Variants in ZNF257 observed in about 807,000 individuals in gnomAD.
The protein encoded by ZNF257 is zinc finger protein 257.
A neutral mutation model predicts 11.9 loss-of-function variants in ZNF257; 12 were observed. The observed-to-expected ratio is 1.01, with a 90% CI of 0.65 to 1.63. The LOEUF (loss-of-function observed/expected upper bound fraction) is 1.63. Ranked by LOEUF, ZNF257 falls within the 40% of genes most tolerant of loss-of-function variation. ZNF257 has a pLI of 0.00. For synonymous variants in ZNF257, 183 were observed against 222.7 expected (o/e 0.82, Z 1.59); for missense variants, 580 against 665.5 (o/e 0.87, Z 1.41).
chr19:22,058,241 G>A (rs1290639609), intron 1 of ZNF257, among the ~76,000 whole-genome samples: 1 of 151,948 alleles, frequency 6.6e-6, no homozygotes, highest in Admixed American at 6.6e-5. Context: ...TATTTACCTG[G>A]ATTACCTATG....
At position 22,088,468 on chromosome 19, in the gene ZNF257, C is replaced by T. The variant is rs540968415; in HGVS notation, c.718C>T (p.Arg240Trp). 18 of 1,611,524 alleles carry T rather than the reference C, an allele frequency of 1.1e-5. No homozygotes were observed. The highest frequency in any genetic ancestry group is 7.7e-5 in the South Asian group (7 of 90,716). ...KCEECGKAFN[R>W]SSHLTQHKVI... The stretch of plus-strand genomic sequence containing the variant: ...TGAAGAGTGTGGAAAAGCTTTTAAC[C>T]GGTCTTCACACCTTACTCAACATAA... The change falls in exon 4 of 4, where the codon CGG (arginine) becomes TGG (tryptophan). Residue 240 changes from arginine to tryptophan, a missense_variant. Coordinates refer to ENST00000594947, the MANE Select transcript of ZNF257 (RefSeq NM_033468.4).
chr19:22,089,012 A>C lies in ZNF257; in HGVS notation c.1262A>C (p.His421Pro). 6.2e-7 allele frequency: 1 copy of C among 1,613,586 alleles called. No homozygotes were observed. Residue 421 changes from histidine (H) to proline (P), a missense_variant, in exon 4 of 4, where the codon CAT becomes CCT. Transcript: ENST00000594947. ...TCAGCTCTTACTACCCTTACTCAGC[A>C]TAAGATAATTCATACTGGAGAGAAA... The part of the protein sequence containing the change: ...WSSALTTLTQ[H>P]KIIHTGEKPY...
intron 1 of ZNF257, among the ~76,000 whole-genome samples, chr19:22,057,683 G>A (rs1346250380): frequency 6.6e-6 from 1 of 152,186 alleles, no homozygotes; most frequent in Non-Finnish European, 1.5e-5. Context: ...TAGGCTGACA[G>A]GGACTGACTT....
intron 3 of ZNF257, 89 bp downstream of exon 3, chr19:22,073,653 G>A (rs1481711441): frequency 8.1e-6 from 12 of 1,474,046 alleles, no homozygotes; most frequent in East Asian, 7.3e-5. Flanking sequence ...ATGTCATTTC[G>A]GAAGCTGTAT....
chr19:22,066,805 G>A (rs567472839), intron 1 of ZNF257, among the ~76,000 whole-genome samples: 1 of 152,168 alleles, frequency 6.6e-6, no homozygotes, highest in Non-Finnish European at 1.5e-5. Context: ...GCATGGTGTT[G>A]TAAATTTTTC....
intron 1 of ZNF257, among the ~76,000 whole-genome samples, chr19:22,054,350 G>T (rs913908237): frequency 6.6e-6 from 1 of 152,164 alleles, no homozygotes; most frequent in African/African-American, 2.4e-5. Context: ...GATTACAGGA[G>T]TGAGCCGCGT....
At chr19:22,068,065 A>T (rs539101439) in intron 1 of ZNF257, among the ~76,000 whole-genome samples, 3 of 151,478 alleles carry the variant, frequency 2.0e-5, no homozygotes, top group Admixed American at 6.6e-5. Context: ...AGTTGTGGTT[A>T]TGACTCTAGA....
rs1361975971 is a variant in ZNF257, at chr19:22,087,766, A to G, written c.227-211A>G. Among the ~76,000 whole-genome samples the G allele has an allele frequency of 2.6e-5, 4 of 152,180 alleles. No homozygotes were observed. In the East Asian group the frequency reaches 7.7e-4, roughly 29 times the overall value. On this transcript the variant is annotated intron_variant, in intron 3 of 3. Transcript: ENST00000594947. ...ACATCGTGTTAACCTGGGGCACTTT[A>G]CACACTTAACTCATTTATAAATTTT... is the stretch of plus-strand genomic sequence containing the variant.
chr19:22,090,722 A>G lies in ZNF257; in HGVS notation c.*1280A>G, dbSNP rs986379423. The G allele has an allele frequency of 1.3e-5, 2 of 152,222 alleles. No individual in the cohort carries two copies. Among genetic ancestry groups the G allele is most frequent in the African/African-American group, 2.4e-5 (1 of 41,502 alleles). The allele number at this position is 152,222 out of a possible 1,614,324, so 9.4% of individuals were successfully genotyped here. A position where few individuals can be genotyped will look rare whatever the true frequency, so the allele number is the denominator to read the frequency against. On this transcript the variant is annotated 3_prime_UTR_variant, in exon 4 of 4. Transcript: ENST00000594947. ...AATTAAATTCAAGTATACTTTTTTG[A>G]TAAAATTATAAAGCTTTTTAAAAGT...
intron 1 of ZNF257, among the ~76,000 whole-genome samples, chr19:22,057,075 T>G (rs968415251): frequency 3.9e-5 from 6 of 152,172 alleles, no homozygotes; most frequent in Admixed American, 2.0e-4. Context: ...GAGATTAAAC[T>G]TGTTACCTCC....
At chr19:22,066,797 A>G (rs555247830) in intron 1 of ZNF257, among the ~76,000 whole-genome samples, 2 of 152,310 alleles carry the variant, frequency 1.3e-5, no homozygotes, top group East Asian at 3.9e-4. Flanking sequence ...TATGTATAGC[A>G]TGGTGTTGTA....
intron 3 of ZNF257, chr19:22,087,600 G>T: frequency 6.5e-6 from 8 of 1,227,882 alleles, no homozygotes; most frequent in Non-Finnish European, 8.1e-6. Context: ...AGAAATGTAT[G>T]TGCCAATATT....
At chr19:22,053,816 T>G (rs1358773948) in intron 1 of ZNF257, among the ~76,000 whole-genome samples, 3 of 151,814 alleles carry the variant, frequency 2.0e-5, no homozygotes, top group Non-Finnish European at 4.4e-5. Flanking sequence ...TCCCAGCTAC[T>G]CCGGAGGCTG....
intron 3 of ZNF257, among the ~76,000 whole-genome samples, chr19:22,079,165 T>G (rs1012183775): frequency 6.6e-6 from 1 of 152,164 alleles, no homozygotes; most frequent in South Asian, 2.1e-4. Flanking sequence ...GGCAACTTTG[T>G]GGAAGATCAT....
chr19:22,088,553 G>A lies in ZNF257; in HGVS notation c.803G>A (p.Arg268Gln), dbSNP rs367806154. The A allele has an allele frequency of 3.7e-5, 59 of 1,608,684 alleles. No individual in the cohort carries two copies. In the East Asian group the frequency reaches 8.1e-4, roughly 22 times the overall value. ...KCEECGKAFN[R>Q]SSHITQHKRI... ...GAAGAGTGTGGCAAAGCCTTTAACCGGTCTTCACACATTACTCAACATAAG... is the reference window on the plus strand; with the variant it reads ...GAAGAGTGTGGCAAAGCCTTTAACCAGTCTTCACACATTACTCAACATAAG... The change falls in exon 4 of 4, where the codon CGG becomes CAG. Residue 268 changes from arginine to glutamine, a missense_variant. Coordinates refer to ENST00000594947, the MANE Select transcript of ZNF257 (RefSeq NM_033468.4).
intron 1 of ZNF257, among the ~76,000 whole-genome samples, chr19:22,058,554 G>A (rs10403705): frequency 6.6e-6 from 1 of 152,134 alleles, no homozygotes; most frequent in Non-Finnish European, 1.5e-5. Flanking sequence ...TCAAATTTTA[G>A]ACAATGAGTT....
At chr19:22,052,738 C>T in intron 1 of ZNF257, 103 bp downstream of exon 1, 2 of 1,384,806 alleles carry the variant, frequency 1.4e-6, no homozygotes, top group Non-Finnish European at 2.0e-6. Context: ...GTCAGCCCTA[C>T]CATCTGCGCC....
At chr19:22,069,637 A>G (rs1182402873) in intron 1 of ZNF257, among the ~76,000 whole-genome samples, 1 of 114,290 alleles carries the variant, frequency 8.7e-6, no homozygotes, top group African/African-American at 3.4e-5. Context: ...ACAAAAAAAC[A>G]ATATTGTTGT....
chr19:22,081,730 G>A (rs571562415), intron 3 of ZNF257, among the ~76,000 whole-genome samples: 3 of 151,762 alleles, frequency 2.0e-5, no homozygotes, highest in Non-Finnish European at 4.4e-5. Context: ...CAGTTTTGCC[G>A]TGTTGCCCAC....
Sources: allele counts gnomAD v4.1 joint callset (sites outside exome capture counted in the v4.1 genomes callset), GRCh38; gene constraint gnomAD v4.1.1; transcripts MANE v1.5; gene names NCBI Gene and HGNC (gene_info 2026-07-23, HGNC 2026-07-21).